Variants in PIGO observed in about 807,000 individuals in gnomAD.
PIGO encodes the protein GPI ethanolamine phosphate transferase 3, catalytic subunit.
In PIGO, 66 loss-of-function variants were observed where a neutral mutation model predicts 86.9. That is an observed-to-expected ratio of 0.76 (90% CI 0.62 to 0.93). The LOEUF is 0.93. Ranked by LOEUF, PIGO falls within the 40% of genes least tolerant of loss-of-function variation. The pLI is 0.00. For synonymous variants in PIGO, 570 were observed against 556.4 expected (o/e 1.02, Z -0.34); for missense variants, 1,202 against 1,359.1 (o/e 0.88, Z 1.82).
Position 35,089,407 on chromosome 9 carries a change from A to C in PIGO, c.3113T>G (p.Leu1038Arg), listed in dbSNP as rs761199326. Residue 1038 changes from leucine (L) to arginine (R), a missense_variant, in exon 10 of 11, where the codon CTC becomes CGC. Physicochemically the swap from Leu to Arg is moderately radical, Grantham distance 102. Transcript: ENST00000378617. ...AGGGGCAAACACTTTCCAGACCATG[A>C]GATGCCTGCGAAGGATGGAGGCTGC... ...ALAASILRRH[L>R]MVWKVFAPKF... The C allele has an allele frequency of 1.3e-5, 21 of 1,614,086 alleles. No individual in the cohort carries two copies. Among genetic ancestry groups the C allele is most frequent in the Admixed American group, 3.3e-5 (2 of 60,000 alleles).
At position 35,091,625 on chromosome 9, in the gene PIGO, C is replaced by A. The variant is rs1261354029; in HGVS notation, c.2262G>T (p.Gly754=). The change falls in exon 7 of 11, where the codon GGG becomes GGT. Residue 754 remains glycine, a synonymous_variant. Transcript: ENST00000378617. The stretch of plus-strand genomic sequence containing the variant: ...CAGGCTTCCAGAGCAGCAGCGCGAG[C>A]CCTGAAGCAGCCAGCCCTGCTACAG... ...PRAVAGLAAS[G]LALLLWKPVT... is the part of the protein sequence containing the mutation. 6.2e-7 allele frequency: 1 copy of A among 1,613,560 alleles called. No individual in the cohort carries two copies. Among genetic ancestry groups the A allele is most frequent in the Non-Finnish European group, 8.5e-7 (1 of 1,180,022 alleles).
intron 3 of PIGO, 81 bp from the exon 4 acceptor site, chr9:35,094,105 C>T (rs1304504058): frequency 6.4e-7 from 1 of 1,572,478 alleles, no homozygotes; most frequent in African/African-American, 1.4e-5. Flanking sequence ...CCTCTATGTC[C>T]AGGGATACAA....
At chr9:35,093,773 T>C (rs898473611) in intron 4 of PIGO, 128 bp downstream of exon 4, 12 of 1,491,314 alleles carry the variant, frequency 8.0e-6, no homozygotes, top group Non-Finnish European at 9.0e-6. Flanking sequence ...TCAAGATGGA[T>C]GGAGCCTCTA....
At position 35,092,227 on chromosome 9, in the gene PIGO, G is replaced by C. The variant is rs1829457917; in HGVS notation, c.1660C>G (p.Leu554Val). 2 of 1,614,098 alleles carry C rather than the reference G, an allele frequency of 1.2e-6. 1 individual carries two copies. The highest frequency in any genetic ancestry group is 2.2e-5 in the South Asian group (2 of 91,088). Reference sequence around the variant, plus strand: ...GAGAAGAACACAGCCAAGCGAAACAGCAGGAGTAACAGGACGGGCCCAGGG... The same window carrying C: ...GAGAAGAACACAGCCAAGCGAAACACCAGGAGTAACAGGACGGGCCCAGGG... ...PIPGPVLLLLLFRLAVFFSDS... is the reference protein window; with the variant it reads ...PIPGPVLLLLVFRLAVFFSDS... The change falls in exon 7 of 11, where the codon CTG becomes GTG. Residue 554 changes from leucine (L) to valine (V), a missense_variant. By Grantham distance (32) the Leu-to-Val change is conservative. Coordinates refer to ENST00000378617, the MANE Select transcript of PIGO (RefSeq NM_032634.4).
At chr9:35,095,918 C>T (rs1321463710) in intron 1 of PIGO, 12 of 190,112 alleles carry the variant, frequency 6.3e-5, no homozygotes, top group African/African-American at 2.8e-4. Context: ...GCAGGAGAAT[C>T]GCTTGAATCG....
chr9:35,094,328 G>T lies in PIGO; in HGVS notation c.543C>A (p.Thr181=). 1 of 1,606,248 alleles carries T rather than the reference G, an allele frequency of 6.2e-7. No homozygotes were observed. Among genetic ancestry groups the T allele is most frequent in the African/African-American group, 1.3e-5 (1 of 74,334 alleles). Residue 181 remains threonine, a synonymous_variant, in exon 3 of 11, where the codon ACC becomes ACA. Transcript: ENST00000378617. Reference sequence around the variant, plus strand: ...AAGCACCAGGGAAAAGGTCTTTCCAGGTATCATCTCCCATGAAGACTACAC... The same window carrying T: ...AAGCACCAGGGAAAAGGTCTTTCCATGTATCATCTCCCATGAAGACTACAC... The part of the protein sequence containing the change: ...GRRVVFMGDD[T]WKDLFPGAFS...
chr9:35,089,396 T>G lies in PIGO; in HGVS notation c.3124A>C (p.Lys1042Gln). The change falls in exon 10 of 11, where the codon AAA becomes CAA. Residue 1042 changes from lysine to glutamine, a missense_variant. Lys to Gln is a moderately conservative substitution (Grantham distance 53, BLOSUM62 1). Coordinates refer to ENST00000378617, the MANE Select transcript of PIGO (RefSeq NM_032634.4). ...TCTACTCACTTAGGGGCAAACACTT[T>G]CCAGACCATGAGATGCCTGCGAAGG... is the stretch of plus-strand genomic sequence containing the variant. ...SILRRHLMVWKVFAPKFIFEA... is the reference protein window; with the variant it reads ...SILRRHLMVWQVFAPKFIFEA... 1 of 1,614,154 alleles carries G rather than the reference T, an allele frequency of 6.2e-7. No individual in the cohort carries two copies. The highest frequency in any genetic ancestry group is 8.5e-7 in the Non-Finnish European group (1 of 1,180,036).
intron 4 of PIGO, 104 bp downstream of exon 4, chr9:35,093,797 G>T: frequency 6.5e-7 from 1 of 1,532,316 alleles, no homozygotes; most frequent in Non-Finnish European, 8.8e-7. Flanking sequence ...TCAGCAGAAG[G>T]CCTAGAGAAG....
At chr9:35,089,838 C>A in intron 9 of PIGO, 1 of 1,408,220 alleles carries the variant, frequency 7.1e-7, no homozygotes, top group African/African-American at 1.4e-5. Context: ...TCAAATGCAA[C>A]TAGCGGGGTC....
rs759602639 is a variant in PIGO, at chr9:35,090,521, C to G, written c.2799G>C (p.Trp933Cys). 1 of 1,614,106 alleles carries G rather than the reference C, an allele frequency of 6.2e-7. No homozygotes were observed. The highest frequency in any genetic ancestry group is 8.5e-7 in the Non-Finnish European group (1 of 1,179,946). The part of the protein sequence containing the change: ...GFPEGHGSCT[W>C]LPALLVGANT... Reference sequence around the variant, plus strand: ...TGGCTCCCACTAGCAAAGCAGGCAGCCAAGTACAGGAGCCATGACCCTCTG... The same window carrying G: ...TGGCTCCCACTAGCAAAGCAGGCAGGCAAGTACAGGAGCCATGACCCTCTG... Residue 933 changes from tryptophan to cysteine, a missense_variant, in exon 8 of 11, where the codon TGG becomes TGC. Physicochemically the swap from Trp to Cys is radical, Grantham distance 215 (BLOSUM62 -2). Transcript: ENST00000378617.
chr9:35,090,283 G>A lies in PIGO; in HGVS notation c.2855-3C>T, dbSNP rs746026821. ...GAGCAGGAGCAGTGGGCAACCTACT[G>A]CCTCAAGAGAGGGTATGGCTGGAAT... is the stretch of plus-strand genomic sequence containing the variant. On this transcript the variant is annotated splice_region_variant and splice_polypyrimidine_tract_variant and intron_variant, in intron 8 of 10. Coordinates refer to ENST00000378617, the MANE Select transcript of PIGO (RefSeq NM_032634.4). The A allele has an allele frequency of 2.5e-6, 4 of 1,612,390 alleles. No homozygotes were observed. The African/African-American group carries it at 4.0e-5, about 16-fold the overall frequency.
Position 35,092,114 on chromosome 9 carries a change from C to G in PIGO, c.1773G>C (p.Glu591Asp), listed in dbSNP as rs1303680103. Residue 591 changes from glutamate (E) to aspartate (D), a missense_variant, in exon 7 of 11, where the codon GAG becomes GAC. Coordinates refer to ENST00000378617, the MANE Select transcript of PIGO (RefSeq NM_032634.4). ...GTAGCTTAGGTGGAAGCAGCTGGCC[C>G]TCCCAGTGAAGCTGGACAACCAGGA... is the stretch of plus-strand genomic sequence containing the variant. ...ILLLVVQLHW[E>D]GQLLPPKLLT... 1 of 1,614,240 alleles carries G rather than the reference C, an allele frequency of 6.2e-7. No individual in the cohort carries two copies. Among genetic ancestry groups the G allele is most frequent in the Non-Finnish European group, 8.5e-7 (1 of 1,180,048 alleles).
At chr9:35,095,014 T>C in intron 2 of PIGO, 41 bp downstream of exon 2, 14 of 1,533,854 alleles carry the variant, frequency 9.1e-6, no homozygotes, top group Non-Finnish European at 1.2e-5. Context: ...TTGAAGAAAT[T>C]TGCCAAGGTA....
At chr9:35,093,809 C>T in intron 4 of PIGO, 92 bp downstream of exon 4, 2 of 1,553,628 alleles carry the variant, frequency 1.3e-6, no homozygotes, top group Admixed American at 1.9e-5. Flanking sequence ...CTAGAGAAGA[C>T]AGAATTCAGC....
Position 35,093,952 on chromosome 9 carries a change from G to A in PIGO, c.728C>T (p.Pro243Leu), listed in dbSNP as rs1829553189. 6.2e-6 allele frequency: 10 copies of A among 1,614,162 alleles called. No individual in the cohort carries two copies. The highest frequency in any genetic ancestry group is 8.5e-6 in the Non-Finnish European group (10 of 1,180,016). The change falls in exon 4 of 11, where the codon CCT (proline) becomes CTT (leucine). Residue 243 changes from proline (P) to leucine (L), a missense_variant. Coordinates refer to ENST00000378617, the MANE Select transcript of PIGO (RefSeq NM_032634.4). ...GVDHCGHKHG[P>L]HHPEMAKKLS... ...TTTCTTGGCCATTTCAGGGTGGTGA[G>A]GGCCATGCTTGTGGCCACAGTGGTC...
rs542399310 is a variant in PIGO at position 35,095,097 on chromosome 9, C to T, written c.469G>A (p.Ala157Thr). 1.9e-4 allele frequency: 308 copies of T among 1,611,724 alleles called. 3 individuals are homozygous for T. In the South Asian group the frequency reaches 3.1e-3, roughly 16 times the overall value. ...IDAGSNFASH[A>T]IVEDNLIKQL... ...TTAATGAGATTGTCTTCCACTATGGCGTGGCTGGCGAAGTTACTACCAGCA... is the reference window on the plus strand; with the variant it reads ...TTAATGAGATTGTCTTCCACTATGGTGTGGCTGGCGAAGTTACTACCAGCA... The change falls in exon 2 of 11, where the codon GCC becomes ACC. Residue 157 changes from alanine (A) to threonine (T), a missense_variant. Coordinates refer to ENST00000378617, the MANE Select transcript of PIGO (RefSeq NM_032634.4).
Position 35,092,153 on chromosome 9 carries a change from G to C in PIGO, c.1734C>G (p.Gly578=), listed in dbSNP as rs1322543228. 2 of 1,614,108 alleles carry C rather than the reference G, an allele frequency of 1.2e-6. No homozygotes were observed. The highest frequency in any genetic ancestry group is 1.7e-6 in the Non-Finnish European group (2 of 1,180,052). Residue 578 remains glycine (G), a synonymous_variant, in exon 7 of 11, where the codon GGC becomes GGG. Transcript: ENST00000378617. ...GGACAACCAGGAGCAGGATGAATGA[G>C]CCCAAAAGGAAGGGGGTGGCCCTGG... ...AEARATPFLL[G]SFILLLVVQL... is the part of the protein sequence containing the mutation.
At chr9:35,089,956 C>T (rs1373726542) in intron 9 of PIGO, 110 bp downstream of exon 9, 1 of 1,483,296 alleles carries the variant, frequency 6.7e-7, no homozygotes, top group Non-Finnish European at 9.1e-7. Flanking sequence ...AACCACTTCA[C>T]TTATGTGAAA....
chr9:35,095,173 G>T lies in PIGO; in HGVS notation c.393C>A (p.Thr131=). The change falls in exon 2 of 11, where the codon ACC becomes ACA. Residue 131 remains threonine, a synonymous_variant. Coordinates refer to ENST00000378617, the MANE Select transcript of PIGO (RefSeq NM_032634.4). ...TGGTGAGGGCCTTGAGGCGCTGCATGGTGGTGGTAGGAGGGTCAACCTGAG... is the reference window on the plus strand; with the variant it reads ...TGGTGAGGGCCTTGAGGCGCTGCATTGTGGTGGTAGGAGGGTCAACCTGAG... ...YRSQVDPPTT[T]MQRLKALTTG... The T allele has an allele frequency of 6.2e-7, 1 of 1,614,210 alleles. No homozygotes were observed. The highest frequency in any genetic ancestry group is 8.5e-7 in the Non-Finnish European group (1 of 1,180,028).
Sources: allele counts gnomAD v4.1 joint callset, GRCh38; gene constraint gnomAD v4.1.1; transcripts MANE v1.5; gene names NCBI Gene and HGNC (gene_info 2026-07-23, HGNC 2026-07-21).